The following SETDB2 variants were observed in gnomAD, a reference collection of about 807,000 sequenced individuals.
SETDB2 encodes the protein histone-lysine N-methyltransferase SETDB2.
In SETDB2, 56 loss-of-function variants were observed where a neutral mutation model predicts 82.5. The observed-to-expected ratio is 0.68, with a 90% CI of 0.55 to 0.85. The LOEUF (loss-of-function observed/expected upper bound fraction) is 0.85. SETDB2 is among the 40% of genes least tolerant of loss of function. The pLI is 0.00. For synonymous variants in SETDB2, 272 were observed against 284.9 expected (o/e 0.95, Z 0.46); for missense variants, 677 against 816.4 (o/e 0.83, Z 2.08).
Position 49,490,895 on chromosome 13 carries a change from C to A in SETDB2, c.1991C>A (p.Ala664Glu). The A allele has an allele frequency of 1.2e-6, 2 of 1,612,310 alleles. No homozygotes were observed. The highest frequency in any genetic ancestry group is 1.7e-6 in the Non-Finnish European group (2 of 1,178,660). ...CACAACAGGAATTTTCCATTGGTGG[C>A]ATTCTTCACCAACAGGTTTGAAATT... ...ETHNRNFPLVAFFTNRYVKAR... is the reference protein window; with the variant it reads ...ETHNRNFPLVEFFTNRYVKAR... Residue 664 changes from alanine to glutamate, a missense_variant, in exon 13 of 14, where the codon GCA becomes GAA. Ala to Glu is a moderately radical substitution (Grantham distance 107). Around this residue, in one of 3 missense-constraint regions of SETDB2, gnomAD observed 420 missense variants for 554.6 expected, o/e 0.76. Transcript: ENST00000611815.
At chr13:49,474,190 A>T (rs529268023) in intron 5 of SETDB2, among the ~76,000 whole-genome samples, 1 of 152,336 alleles carries the variant, frequency 6.6e-6, no homozygotes, top group Admixed American at 6.5e-5. Flanking sequence ...TGAAGCTGGG[A>T]AGCAGAGGTT....
intron 1 of SETDB2, among the ~76,000 whole-genome samples, chr13:49,448,797 C>G (rs965843660): frequency 6.6e-6 from 1 of 152,098 alleles, no homozygotes; most frequent in Non-Finnish European, 1.5e-5. Flanking sequence ...CCTTTATACT[C>G]TGGTTTTTTA....
chr13:49,482,398 T>C, intron 8 of SETDB2: 1 of 822,478 alleles, frequency 1.2e-6, no homozygotes, highest in Non-Finnish European at 1.5e-6. Flanking sequence ...TAACTAGACA[T>C]AAAAGCTACA....
rs568255279 is a variant in SETDB2 at position 49,494,700 on chromosome 13, A to G, written c.*2851A>G. ...GTCTGCTCACTTCCCTGTTTTGCAG[A>G]CCCCACACTCTTCTGCAATTCATTT... is the stretch of plus-strand genomic sequence containing the variant. On this transcript the variant is annotated 3_prime_UTR_variant, in exon 14 of 14. Transcript: ENST00000611815. 5 of 152,048 alleles carry G rather than the reference A, an allele frequency of 3.3e-5. No individual in the cohort carries two copies. The highest frequency in any genetic ancestry group is 1.2e-4 in the African/African-American group (5 of 41,446). The allele number at this position is 152,048 out of a possible 1,614,324, so 9.4% of individuals were successfully genotyped here.
chr13:49,481,194 G>A, intron 8 of SETDB2, 78 bp downstream of exon 8: 20 of 1,363,582 alleles, frequency 1.5e-5, no homozygotes, highest in East Asian at 2.3e-5. Flanking sequence ...AGCCAGGGCT[G>A]TTGAGAGCTT....
At chr13:49,464,668 A>G (rs757786501) in intron 4 of SETDB2, among the ~76,000 whole-genome samples, 2 of 152,226 alleles carry the variant, frequency 1.3e-5, no homozygotes, top group African/African-American at 2.4e-5. Flanking sequence ...ATAAGAGTAT[A>G]TTTATTTGCT....
chr13:49,452,557 A>G (rs1957805635), intron 2 of SETDB2, among the ~76,000 whole-genome samples: 1 of 152,142 alleles, frequency 6.6e-6, no homozygotes, highest in African/African-American at 2.4e-5. Flanking sequence ...ATGAACCAAT[A>G]TTGGCACATT....
chr13:49,481,134 T>C lies in SETDB2; in HGVS notation c.1156+18T>C. ...TTATTCAGGTAAAGCAAAAGTTTAT[T>C]TTCAAATTATTCTAGAGTAGAATCC... On this transcript the variant is annotated intron_variant, in intron 8 of 13. Coordinates refer to ENST00000611815, the MANE Select transcript of SETDB2 (RefSeq NM_001160308.3). 1 of 1,606,086 alleles carries C rather than the reference T, an allele frequency of 6.2e-7. No individual in the cohort carries two copies. The highest frequency in any genetic ancestry group is 8.5e-7 in the Non-Finnish European group (1 of 1,175,570).
chr13:49,477,561 A>G lies in SETDB2; in HGVS notation c.869+522A>G, dbSNP rs374771532. 9.2e-5 allele frequency among the ~76,000 whole-genome samples: 14 copies of G among 152,376 alleles called. No individual in the cohort carries two copies. The South Asian group carries it at 2.9e-3, about 32-fold the overall frequency. On this transcript the variant is annotated intron_variant, in intron 6 of 13. Transcript: ENST00000611815. ...TTTGAAACATTTCTTCCAAGAATGC[A>G]TATTTCCTTTAATCTAGTACTAATA...
Position 49,490,845 on chromosome 13 carries a change from G to C in SETDB2, c.1941G>C (p.Leu647Phe), listed in dbSNP as rs1416810180. 6.2e-7 allele frequency: 1 copy of C among 1,611,762 alleles called. No individual in the cohort carries two copies. The highest frequency in any genetic ancestry group is 8.5e-7 in the Non-Finnish European group (1 of 1,178,622). ...FLNHSCCPNLLVQNVFVETHN... is the reference protein window; with the variant it reads ...FLNHSCCPNLFVQNVFVETHN... ...AGCATAGTTGTTGCCCAAATCTCTT[G>C]GTACAGAATGTTTTTGTAGAAACAC... is the stretch of plus-strand genomic sequence containing the variant. The change falls in exon 13 of 14, where the codon TTG (leucine) becomes TTC (phenylalanine). Residue 647 changes from leucine (L) to phenylalanine (F), a missense_variant. Leu to Phe is a conservative substitution (Grantham distance 22). Coordinates refer to ENST00000611815, the MANE Select transcript of SETDB2 (RefSeq NM_001160308.3).
At chr13:49,473,768 GGAATGTATTACAGT>G (rs1403056989) in intron 5 of SETDB2, among the ~76,000 whole-genome samples, 4 of 151,906 alleles carry the variant, frequency 2.6e-5, no homozygotes, top group Non-Finnish European at 5.9e-5. Flanking sequence ...GAGAACCTAA[GGAATGTATTACAGT>G]GAATTCTGAA....
intron 5 of SETDB2, 124 bp from the exon 6 acceptor site, chr13:49,476,352 A>G: frequency 1.4e-6 from 1 of 703,700 alleles, no homozygotes; most frequent in Non-Finnish European, 2.3e-6. Context: ...ACATCTTAAA[A>G]TGTGTATCTT....
chr13:49,459,554 G>A (rs1263998850), intron 2 of SETDB2, among the ~76,000 whole-genome samples: 2 of 152,054 alleles, frequency 1.3e-5, no homozygotes, highest in Non-Finnish European at 2.9e-5. Context: ...AATTTTGAAA[G>A]GATTGTTTCT....
rs578015932 is a variant in SETDB2, at chr13:49,444,324, G to A, written c.-875G>A. The A allele has an allele frequency of 2.1e-5, 6 of 287,350 alleles. No individual in the cohort carries two copies. The East Asian group carries it at 5.6e-4, about 27-fold the overall frequency. 17.8% of individuals were successfully genotyped at this position (287,350 alleles called of 1,614,324 possible). ...GGTAGAGGCAGGGCGGGACTGTTGTGGTTGAGATGAAGGCTAGTAAATGGT... is the reference window on the plus strand; with the variant it reads ...GGTAGAGGCAGGGCGGGACTGTTGTAGTTGAGATGAAGGCTAGTAAATGGT... On this transcript the variant is annotated 5_prime_UTR_variant, in exon 1 of 14. Coordinates refer to ENST00000611815, the MANE Select transcript of SETDB2 (RefSeq NM_001160308.3).
chr13:49,464,439 C>A lies in SETDB2; in HGVS notation c.208+3277C>A, dbSNP rs1003781700. Among the ~76,000 whole-genome samples, 3 of 152,216 alleles carry A rather than the reference C, an allele frequency of 2.0e-5. No homozygotes were observed. In the South Asian group the frequency reaches 6.2e-4, roughly 32 times the overall value. On this transcript the variant is annotated intron_variant, in intron 4 of 13. Transcript: ENST00000611815. ...CCTTAAGGGATTATATTTAGTTTTG[C>A]AAGAGAGAGGCTTTTAACCTCACTT...
Position 49,454,877 on chromosome 13 carries a change from T to G in SETDB2, c.16+2968T>G, listed in dbSNP as rs141962546. Reference sequence around the variant, plus strand: ...AGCCAGTGGTTCTCAATTTTTTTTTTGGTCTCAGGATGACTTTATACTCTT... The same window carrying G: ...AGCCAGTGGTTCTCAATTTTTTTTTGGGTCTCAGGATGACTTTATACTCTT... On this transcript the variant is annotated intron_variant, in intron 2 of 13. Transcript: ENST00000611815. Among the ~76,000 whole-genome samples the G allele has an allele frequency of 2.0e-3, 301 of 152,254 alleles. 1 individual carries two copies. The highest frequency in any genetic ancestry group is 6.5e-3 in the African/African-American group (272 of 41,564).
intron 2 of SETDB2, among the ~76,000 whole-genome samples, chr13:49,455,162 A>C (rs1371829472): frequency 6.6e-6 from 1 of 152,176 alleles, no homozygotes; most frequent in Non-Finnish European, 1.5e-5. Context: ...CTGCTTCTAC[A>C]TTCAGTCTTC....
At chr13:49,459,190 TGACTTTCCCAGCAGGAATTGA>T (rs1162411326) in intron 2 of SETDB2, among the ~76,000 whole-genome samples, 6 of 152,184 alleles carry the variant, frequency 3.9e-5, no homozygotes, top group Non-Finnish European at 8.8e-5. Flanking sequence ...TTGGGAAAGG[TGACTTTCCCAGCAGGAATTGA>T]GACTTTGATA....
chr13:49,451,956 A>G (rs756456990), intron 2 of SETDB2, 47 bp downstream of exon 2: 1 of 1,419,118 alleles, frequency 7.0e-7, no homozygotes, highest in South Asian at 1.3e-5. Flanking sequence ...AAAGTATAAA[A>G]GTATATAGAC....
Sources: allele counts gnomAD v4.1 joint callset (sites outside exome capture counted in the v4.1 genomes callset), GRCh38; gene constraint gnomAD v4.1.1; regional missense constraint gnomAD v4.1.1; transcripts MANE v1.5; gene names NCBI Gene and HGNC (gene_info 2026-07-23, HGNC 2026-07-21).